Variants in MACROD2 observed in about 807,000 individuals in gnomAD.
MACROD2 encodes ADP-ribose glycohydrolase MACROD2.
In MACROD2, 36 loss-of-function variants were observed where a neutral mutation model predicts 70.4. The ratio of observed to expected loss-of-function variants is 0.51; its 90% confidence interval spans 0.39 to 0.68. The LOEUF is 0.68. MACROD2 is among the 30% of genes least tolerant of loss of function. MACROD2 has a pLI of 0.00. For missense variants in MACROD2, 496 were observed against 538.4 expected, an observed-to-expected ratio of 0.92 and a Z score of 0.78; for synonymous variants, 172 against 178.8, an observed-to-expected ratio of 0.96 and a Z score of 0.30.
rs780241477 is a variant in MACROD2, at chr20:14,410,901, C to G, written c.272-82578C>G. 2.0e-5 allele frequency among the ~76,000 whole-genome samples: 3 copies of G among 152,106 alleles called. No homozygotes were observed. The East Asian group carries it at 5.8e-4, about 29-fold the overall frequency. ...TCTCAGTGTCTTCTTCTGGTAGAGACCAACCTGAGCAGATGACCATACCAA... is the reference window on the plus strand; with the variant it reads ...TCTCAGTGTCTTCTTCTGGTAGAGAGCAACCTGAGCAGATGACCATACCAA... On this transcript the variant is annotated intron_variant, in intron 3 of 17. Transcript: ENST00000684519.
At chr20:15,591,959 C>T (rs190248434) in intron 8 of MACROD2, among the ~76,000 whole-genome samples, 1 of 152,218 alleles carries the variant, frequency 6.6e-6, no homozygotes, top group Admixed American at 6.5e-5. Context: ...TGAAAGATGG[C>T]CAGATTTTTG....
chr20:14,420,334 A>G (rs2083861168), intron 3 of MACROD2, among the ~76,000 whole-genome samples: 1 of 152,124 alleles, frequency 6.6e-6, no homozygotes, highest in African/African-American at 2.4e-5. Context: ...TCCCACCAGC[A>G]TAGCACAAGT....
intron 3 of MACROD2, among the ~76,000 whole-genome samples, chr20:14,139,319 C>CAA: frequency 6.6e-6 from 1 of 152,306 alleles, no homozygotes; most frequent in Admixed American, 6.5e-5. Context: ...AAATATGCAT[C>CAA]ATAGGTGTTA....
chr20:14,772,316 G>T (rs1014599934), intron 5 of MACROD2, among the ~76,000 whole-genome samples: 1 of 151,906 alleles, frequency 6.6e-6, no homozygotes, highest in Non-Finnish European at 1.5e-5. Flanking sequence ...TAGTATATGT[G>T]TATTAGTTCA....
At chr20:15,546,472 T>C (rs2048027636) in intron 8 of MACROD2, among the ~76,000 whole-genome samples, 1 of 152,216 alleles carries the variant, frequency 6.6e-6, no homozygotes, top group Non-Finnish European at 1.5e-5. Flanking sequence ...CAGCTTGATT[T>C]CAAGATATCT....
chr20:14,065,918 A>AGGGAAAGGAATATTGG lies in MACROD2; in HGVS notation c.164-19702_164-19687dup, dbSNP rs1163958531. ...CAAAATACGTGAGTCGTCATTGTGG[A>AGGGAAAGGAATATTGG]GGGAAAGGAATATTGGACTGCCATC... On this transcript the variant is annotated intron_variant, in intron 2 of 17. Transcript: ENST00000684519. 1.6e-4 allele frequency among the ~76,000 whole-genome samples: 25 copies of AGGGAAAGGAATATTGG among 152,328 alleles called. 1 individual carries two copies. The South Asian group carries it at 3.3e-3, about 20-fold the overall frequency.
chr20:15,885,470 A>C (rs549477180), intron 9 of MACROD2, among the ~76,000 whole-genome samples: 7 of 152,302 alleles, frequency 4.6e-5, no homozygotes, highest in African/African-American at 1.7e-4. Flanking sequence ...GAAATGACTG[A>C]AGTGACCATA....
At chr20:15,418,632 A>G (rs1462220348) in intron 6 of MACROD2, among the ~76,000 whole-genome samples, 3 of 152,228 alleles carry the variant, frequency 2.0e-5, no homozygotes, top group Non-Finnish European at 4.4e-5. Flanking sequence ...GGTACAACTT[A>G]TTAAGAAAAC....
chr20:14,738,132 A>G (rs1407127613), intron 5 of MACROD2, among the ~76,000 whole-genome samples: 2 of 151,480 alleles, frequency 1.3e-5, no homozygotes, highest in Admixed American at 1.3e-4. Flanking sequence ...TTTGAGAATG[A>G]AAATGGTTGG....
At chr20:14,848,346 T>C (rs1427194494) in intron 5 of MACROD2, among the ~76,000 whole-genome samples, 1 of 152,222 alleles carries the variant, frequency 6.6e-6, no homozygotes, top group Non-Finnish European at 1.5e-5. Context: ...CTAGTTATCC[T>C]GTAGGAATAG....
At chr20:15,245,323 T>C (rs1440148993) in intron 6 of MACROD2, among the ~76,000 whole-genome samples, 1 of 152,066 alleles carries the variant, frequency 6.6e-6, no homozygotes. Context: ...AATGAGAAAA[T>C]GTATTTACTT....
chr20:15,636,076 G>GAAAAAAAAAAAAAAAA (rs57402806), intron 8 of MACROD2, among the ~76,000 whole-genome samples: 29 of 85,770 alleles, frequency 3.4e-4, no homozygotes, highest in Non-Finnish European at 4.7e-4. Context: ...CCTCTCAAAA[G>GAAAAAAAAAAAAAAAA]AAAAAAAAAA....
At chr20:15,980,704 G>A (rs552162045) in intron 13 of MACROD2, among the ~76,000 whole-genome samples, 1 of 152,218 alleles carries the variant, frequency 6.6e-6, no homozygotes, top group East Asian at 1.9e-4. Flanking sequence ...TTAACTACTT[G>A]CCTTTGATTA....
intron 3 of MACROD2, among the ~76,000 whole-genome samples, chr20:14,178,375 A>T (rs1264675143): frequency 1.3e-5 from 2 of 152,224 alleles, no homozygotes; most frequent in African/African-American, 4.8e-5. Context: ...TGAGGAACAT[A>T]TCTATGAATT....
intron 12 of MACROD2, among the ~76,000 whole-genome samples, chr20:15,964,583 A>G (rs1601228834): frequency 6.6e-6 from 1 of 152,164 alleles, no homozygotes; most frequent in Admixed American, 6.6e-5. Flanking sequence ...TCAGACCATG[A>G]ATATATGCAT....
chr20:14,179,986 C>T (rs1446802281), intron 3 of MACROD2, among the ~76,000 whole-genome samples: 1 of 151,976 alleles, frequency 6.6e-6, no homozygotes, highest in African/African-American at 2.4e-5. Flanking sequence ...AAATTAACTC[C>T]ATTTACATTG....
chr20:14,426,285 A>G (rs1205679454), intron 3 of MACROD2, among the ~76,000 whole-genome samples: 1 of 151,528 alleles, frequency 6.6e-6, no homozygotes, highest in Non-Finnish European at 1.5e-5. Flanking sequence ...ATTTTTTGTT[A>G]TATTTTTTGT....
intron 5 of MACROD2, among the ~76,000 whole-genome samples, chr20:15,081,823 T>TA (rs1046143415): frequency 3.9e-5 from 6 of 152,180 alleles, no homozygotes; most frequent in Admixed American, 2.6e-4. Flanking sequence ...TATACATACT[T>TA]AGTTTACTAG....
chr20:14,715,743 G>T (rs964744015), intron 5 of MACROD2, among the ~76,000 whole-genome samples: 1 of 152,080 alleles, frequency 6.6e-6, no homozygotes, highest in Non-Finnish European at 1.5e-5. Context: ...TGAGGCTTAG[G>T]GTCTGTGGGC....
Sources: gnomAD v4.1 joint callset for allele counts (sites outside exome capture counted in the v4.1 genomes callset) on GRCh38, gnomAD v4.1.1 for gene constraint, MANE v1.5 for transcripts, NCBI Gene and HGNC (gene_info 2026-07-23, HGNC 2026-07-21) for gene names.